SPDL1: variants seen among roughly 807,000 people sequenced by gnomAD.
SPDL1 encodes the protein protein Spindly.
A neutral mutation model predicts 79.5 loss-of-function variants in SPDL1; 85 were observed. The ratio of observed to expected loss-of-function variants is 1.07; its 90% CI spans 0.90 to 1.28. The LOEUF (loss-of-function observed/expected upper bound fraction) is 1.28, where lower values mean the gene tolerates loss of function less well. SPDL1 is among the 50% of genes most tolerant of loss of function. The pLI is 0.00. For missense variants in SPDL1, 703 were observed against 697.8 expected, an observed-to-expected ratio of 1.01 and a Z score of -0.08; for synonymous variants, 269 against 240.3, an observed-to-expected ratio of 1.12 and a Z score of -1.10.
chr5:169,593,579 T>C, intron 4 of SPDL1, 31 bp downstream of exon 4: 1 of 1,505,794 alleles, frequency 6.6e-7, no homozygotes, highest in Non-Finnish European at 8.9e-7. Flanking sequence ...TTCTCAGGGT[T>C]TTCTCTTTTT....
intron 10 of SPDL1, among the ~76,000 whole-genome samples, chr5:169,599,697 C>T (rs552743453): frequency 6.6e-6 from 1 of 152,320 alleles, no homozygotes; most frequent in African/African-American, 2.4e-5. Context: ...CATGCAGCCT[C>T]ACCTGCTGAC....
At position 169,599,052 on chromosome 5, in the gene SPDL1, T is replaced by G. The variant is rs374678185; in HGVS notation, c.1217T>G (p.Ile406Ser). The stretch of plus-strand genomic sequence containing the variant: ...TTTGAGAGCCAGCGGGCTCTAGATA[T>G]TGAGCGAAAACTTTTTGCAAATGAA... ...ALFESQRALD[I>S]ERKLFANERC... The change falls in exon 10 of 12, where the codon ATT (isoleucine) becomes AGT (serine). Residue 406 changes from isoleucine (I) to serine (S), a missense_variant. Coordinates refer to ENST00000265295, the MANE Select transcript of SPDL1 (RefSeq NM_017785.5). 1.2e-6 allele frequency: 2 copies of G among 1,602,822 alleles called. No homozygotes were observed. Among genetic ancestry groups the G allele is most frequent in the African/African-American group, 1.3e-5 (1 of 74,714 alleles).
chr5:169,596,762 G>C, intron 8 of SPDL1, 61 bp downstream of exon 8: 1 of 1,433,396 alleles, frequency 7.0e-7, no homozygotes, highest in South Asian at 1.3e-5. Context: ...TTAAAATTTG[G>C]TTTGTTTTTT....
chr5:169,593,451 CAG>C lies in SPDL1; in HGVS notation c.437_438del (p.Glu146GlyfsTer7). On this transcript the variant is annotated frameshift_variant, in exon 4 of 12. Transcript: ENST00000265295. LOFTEE classifies it high-confidence loss of function. ...CAGAAGGAACTCCTCTCTTGTAAATCAGAGGAACTGCGCGTAATGTCTGAACG... is the reference window on the plus strand; with the variant it reads ...CAGAAGGAACTCCTCTCTTGTAAATCAGGAACTGCGCGTAATGTCTGAACG... 6.2e-7 allele frequency: 1 copy of C among 1,613,838 alleles called. No individual in the cohort carries two copies. The highest frequency in any genetic ancestry group is 8.5e-7 in the Non-Finnish European group (1 of 1,179,878).
In SPDL1 at chr5:169,596,568, T is replaced by C; in HGVS notation, c.899T>C (p.Ile300Thr). The change falls in exon 8 of 12, where the codon ATT becomes ACT. Residue 300 changes from isoleucine (I) to threonine (T), a missense_variant. Transcript: ENST00000265295. Reference sequence around the variant, plus strand: ...GTAATTTTATTTTTCTAGTTACAAATTGCCACGTTGCTACAGATGAAAGGG... The same window carrying C: ...GTAATTTTATTTTTCTAGTTACAAACTGCCACGTTGCTACAGATGAAAGGG... ...REQMQRMKLQ[I>T]ATLLQMKGSQ... is the part of the protein sequence containing the mutation. The C allele has an allele frequency of 6.2e-7, 1 of 1,609,658 alleles. No individual in the cohort carries two copies. The highest frequency in any genetic ancestry group is 8.5e-7 in the Non-Finnish European group (1 of 1,178,640).
intron 3 of SPDL1, among the ~76,000 whole-genome samples, chr5:169,591,997 G>A (rs978507289): frequency 6.6e-6 from 1 of 152,158 alleles, no homozygotes; most frequent in African/African-American, 2.4e-5. Flanking sequence ...TTTGTGTATA[G>A]TCTATACTCT....
chr5:169,604,322 A>T lies in SPDL1; in HGVS notation c.*115A>T. On this transcript the variant is annotated 3_prime_UTR_variant, in exon 12 of 12. Transcript: ENST00000265295. ...TGGGTTATTTACTCATTGTGCCAGG[A>T]CCTGGCATTTTCATGTGCCTTTGAC... is the stretch of plus-strand genomic sequence containing the variant. The T allele has an allele frequency of 2.8e-6, 3 of 1,086,914 alleles. No homozygotes were observed. The highest frequency in any genetic ancestry group is 2.5e-6 in the Non-Finnish European group (2 of 801,506). 67.3% of individuals were successfully genotyped at this position (1,086,914 alleles called of 1,614,324 possible).
At chr5:169,593,969 T>C (rs1430067188) in intron 4 of SPDL1, among the ~76,000 whole-genome samples, 176 bp from the exon 5 acceptor site, 2 of 152,240 alleles carry the variant, frequency 1.3e-5, no homozygotes, top group Non-Finnish European at 2.9e-5. Flanking sequence ...ATTTGTTTCC[T>C]TGTTGAAAAA....
In SPDL1 at chr5:169,588,500, A is replaced by G. The variant is rs1357957570; in HGVS notation, c.84A>G (p.Leu28=). The change falls in exon 2 of 12, where the codon TTA becomes TTG. Residue 28 remains leucine, a synonymous_variant. Transcript: ENST00000265295. ...GACTAAAAGCTGCACAGTATGGTTTACAACTAGTAGAGAGTCAAAATGAAT... is the reference window on the plus strand; with the variant it reads ...GACTAAAAGCTGCACAGTATGGTTTGCAACTAGTAGAGAGTCAAAATGAAT... ...EERLKAAQYG[L]QLVESQNELQ... The G allele has an allele frequency of 6.2e-7, 1 of 1,614,004 alleles. No homozygotes were observed. Among genetic ancestry groups the G allele is most frequent in the East Asian group, 2.2e-5 (1 of 44,876 alleles).
At chr5:169,590,902 G>A (rs1755241586) in intron 2 of SPDL1, 146 bp from the exon 3 acceptor site, 4 of 763,120 alleles carry the variant, frequency 5.2e-6, no homozygotes, top group Admixed American at 2.2e-5. Flanking sequence ...TAACTACAAA[G>A]TTATTCCAGG....
At chr5:169,590,994 T>C in intron 2 of SPDL1, 54 bp from the exon 3 acceptor site, 1 of 1,426,396 alleles carries the variant, frequency 7.0e-7, no homozygotes, top group Non-Finnish European at 9.8e-7. Flanking sequence ...TGATTGTATG[T>C]AATGGCTTTA....
chr5:169,598,725 G>A, intron 9 of SPDL1, 146 bp downstream of exon 9: 1 of 910,850 alleles, frequency 1.1e-6, no homozygotes, highest in Admixed American at 2.5e-5. Flanking sequence ...AGATATTCAT[G>A]TGTGAATACA....
At position 169,604,259 on chromosome 5, in the gene SPDL1, G is replaced by A; in HGVS notation, c.*52G>A. ...GCCACTTGCCTCAAAAGTTACTATG[G>A]TGCTTAAGATTGTCTTGATCTGACA... On this transcript the variant is annotated 3_prime_UTR_variant, in exon 12 of 12. Coordinates refer to ENST00000265295, the MANE Select transcript of SPDL1 (RefSeq NM_017785.5). 6.8e-7 allele frequency: 1 copy of A among 1,460,906 alleles called. No individual in the cohort carries two copies. Among genetic ancestry groups the A allele is most frequent in the Non-Finnish European group, 9.1e-7 (1 of 1,095,474 alleles). The allele number at this position is 1,460,906 out of a possible 1,614,324, so 90.5% of individuals were successfully genotyped here. A position where few individuals can be genotyped will look rare whatever the true frequency, so the allele number is the denominator to read the frequency against.
chr5:169,597,232 TTGTGTG>T (rs56336716), intron 8 of SPDL1, among the ~76,000 whole-genome samples: 22,961 of 149,178 alleles, frequency 0.15, 2,009 homozygotes, highest in African/African-American at 0.25. Flanking sequence ...GTGTAAGCAT[TTGTGTG>T]TGTGTGTGTG....
At chr5:169,594,790 GT>G (rs1755507285) in intron 7 of SPDL1, 109 bp downstream of exon 7, 1 of 655,600 alleles carries the variant, frequency 1.5e-6, no homozygotes, top group Non-Finnish European at 2.6e-6. Flanking sequence ...TACTTATATA[GT>G]TGTTTCTAGA....
chr5:169,597,537 T>G (rs959033382), intron 8 of SPDL1, among the ~76,000 whole-genome samples: 2 of 152,168 alleles, frequency 1.3e-5, no homozygotes, highest in African/African-American at 4.8e-5. Flanking sequence ...TTTCAGTATT[T>G]TCCTGTCTAT....
Position 169,596,689 on chromosome 5 carries a change from G to T in SPDL1, c.1020G>T (p.Leu340=). 6.3e-7 allele frequency: 1 copy of T among 1,593,790 alleles called. No homozygotes were observed. The highest frequency in any genetic ancestry group is 8.5e-7 in the Non-Finnish European group (1 of 1,174,334). The change falls in exon 8 of 12, where the codon CTG becomes CTT. Residue 340 remains leucine (L), a synonymous_variant. Transcript: ENST00000265295. ...ATCTTTTAGGTGAAATTAGAAATCTGGAGAAATTTAAGGTATGTATAACAG... is the reference window on the plus strand; with the variant it reads ...ATCTTTTAGGTGAAATTAGAAATCTTGAGAAATTTAAGGTATGTATAACAG... ...IKHLLGEIRN[L]EKFKNLYDSM...
chr5:169,588,231 C>T (rs776401647), intron 1 of SPDL1, 163 bp from the exon 2 acceptor site: 1 of 489,504 alleles, frequency 2.0e-6, no homozygotes, highest in East Asian at 3.4e-5. Context: ...ACAGTTCTTG[C>T]TCTTGGAACA....
chr5:169,598,418 C>T lies in SPDL1; in HGVS notation c.1033-58C>T, dbSNP rs1581313000. On this transcript the variant is annotated intron_variant, in intron 8 of 11. Coordinates refer to ENST00000265295, the MANE Select transcript of SPDL1 (RefSeq NM_017785.5). ...AAGTGATGGTGCTATTATTAATAAA[C>T]ATACACTAACCTTATTTGTTATTTA... The T allele has an allele frequency of 3.6e-6, 4 of 1,098,016 alleles. No homozygotes were observed. In the East Asian group the frequency reaches 7.3e-5, roughly 20 times the overall value. The allele number at this position is 1,098,016 out of a possible 1,614,324, so 68.0% of individuals were successfully genotyped here. A position where few individuals can be genotyped will look rare whatever the true frequency, so the allele number is the denominator to read the frequency against.
Sources: allele counts gnomAD v4.1 joint callset (sites outside exome capture counted in the v4.1 genomes callset), GRCh38; gene constraint gnomAD v4.1.1; transcripts MANE v1.5; gene names NCBI Gene and HGNC (gene_info 2026-07-23, HGNC 2026-07-21).